GRAMD1B: variants seen among roughly 807,000 people sequenced by gnomAD.
The protein encoded by GRAMD1B is protein Aster-B.
Under a neutral mutation model 99.7 loss-of-function variants are expected in GRAMD1B, and 37 were observed. That is an observed-to-expected ratio of 0.37 (90% CI 0.29 to 0.49). The LOEUF (loss-of-function observed/expected upper bound fraction) is 0.49. Ranked by LOEUF, GRAMD1B falls within the 20% of genes least tolerant of loss-of-function variation. The probability of loss-of-function intolerance (pLI) is 0.98; values close to 1 mark genes in which losing one functional copy is unlikely to be tolerated. For synonymous variants in GRAMD1B, 427 were observed against 387.6 expected (o/e 1.10, Z -1.19); for missense variants, 888 against 1,009.2 (o/e 0.88, Z 1.63).
chr11:123,548,291 AATATATATATAT>A (rs139996126), intron 2 of GRAMD1B, among the ~76,000 whole-genome samples: 1,557 of 75,156 alleles, frequency 0.021, 26 homozygotes, highest in Admixed American at 0.029. Context: ...GCTGTGCCAA[AATATATATATAT>A]ATATATATAT....
intron 4 of GRAMD1B, among the ~76,000 whole-genome samples, chr11:123,586,930 G>T (rs1467828069): frequency 6.6e-6 from 1 of 152,202 alleles, no homozygotes; most frequent in Non-Finnish European, 1.5e-5. Flanking sequence ...ATAGGTAAAG[G>T]CATTGTAACG....
chr11:123,380,455 C>A (rs1946833788), intron 1 of GRAMD1B, among the ~76,000 whole-genome samples: 1 of 152,116 alleles, frequency 6.6e-6, no homozygotes, highest in South Asian at 2.1e-4. Context: ...GCAAGTGACC[C>A]AAAAGGTTGC....
At chr11:123,358,939 G>A (rs1946046024) in intron 1 of GRAMD1B, 1 of 152,314 alleles carries the variant, frequency 6.6e-6, no homozygotes. Flanking sequence ...AATTTTCTTA[G>A]TGAAACATCA....
At chr11:123,577,114 T>C (rs1040834734) in intron 2 of GRAMD1B, among the ~76,000 whole-genome samples, 1 of 152,208 alleles carries the variant, frequency 6.6e-6, no homozygotes, top group African/African-American at 2.4e-5. Context: ...GACGGATGCA[T>C]GTCTAGATGT....
chr11:123,555,878 C>T (rs1186725057), intron 2 of GRAMD1B, among the ~76,000 whole-genome samples: 4 of 151,810 alleles, frequency 2.6e-5, no homozygotes, highest in Non-Finnish European at 5.9e-5. Flanking sequence ...GGATTATAGG[C>T]GCCCACCACC....
intron 1 of GRAMD1B, among the ~76,000 whole-genome samples, chr11:123,416,891 T>C (rs565177322): frequency 1.3e-5 from 2 of 152,342 alleles, no homozygotes; most frequent in Non-Finnish European, 2.9e-5. Flanking sequence ...ACTATTATTA[T>C]TAATCTGATT....
chr11:123,547,741 A>G (rs1945159656), intron 2 of GRAMD1B, among the ~76,000 whole-genome samples: 1 of 151,210 alleles, frequency 6.6e-6, no homozygotes, highest in South Asian at 2.1e-4. Flanking sequence ...GTCTTTATTT[A>G]TCTTTGAACA....
chr11:123,437,412 A>T (rs1439409731), intron 1 of GRAMD1B, among the ~76,000 whole-genome samples: 1 of 152,200 alleles, frequency 6.6e-6, no homozygotes, highest in African/African-American at 2.4e-5. Flanking sequence ...TGGAGGGGGA[A>T]GGGAAAGCTG....
chr11:123,573,512 A>G (rs1183017762), intron 2 of GRAMD1B, among the ~76,000 whole-genome samples: 3 of 152,134 alleles, frequency 2.0e-5, no homozygotes, highest in African/African-American at 7.2e-5. Flanking sequence ...ACACAATTGA[A>G]TGCCTGCTTC....
chr11:123,458,664 G>T (rs910904196), intron 1 of GRAMD1B: 1 of 148,492 alleles, frequency 6.7e-6, no homozygotes, highest in Non-Finnish European at 1.5e-5. Context: ...CAGTATCCTA[G>T]ATAAGGAAAC....
At chr11:123,413,463 A>G (rs761581804) in intron 1 of GRAMD1B, among the ~76,000 whole-genome samples, 10 of 152,064 alleles carry the variant, frequency 6.6e-5, no homozygotes, top group Non-Finnish European at 1.2e-4. Context: ...ATTATGGGGT[A>G]AGGAGGCATT....
At chr11:123,581,476 T>C (rs7926416) in intron 3 of GRAMD1B, among the ~76,000 whole-genome samples, 366 of 152,252 alleles carry the variant, frequency 2.4e-3, no homozygotes, top group African/African-American at 8.6e-3. Flanking sequence ...TGGGACTCAT[T>C]TCCGGGAATG....
intron 2 of GRAMD1B, among the ~76,000 whole-genome samples, chr11:123,495,087 T>G (rs1939076310): frequency 6.6e-6 from 1 of 150,476 alleles, no homozygotes. Flanking sequence ...TAAAATTGTT[T>G]GAGCACATAC....
At position 123,430,680 on chromosome 11, in the gene GRAMD1B, G is replaced by A; in HGVS notation, c.-113G>A. On this transcript the variant is annotated 5_prime_UTR_variant, in exon 1 of 20. Transcript: ENST00000635736. ...CTCCGGGAAAGGAACTTGTTCCTTCGGCCCCAGGATTGGGGAGTGTGCCGC... is the reference window on the plus strand; with the variant it reads ...CTCCGGGAAAGGAACTTGTTCCTTCAGCCCCAGGATTGGGGAGTGTGCCGC... 1 of 537,988 alleles carries A rather than the reference G, an allele frequency of 1.9e-6. No individual in the cohort carries two copies. The highest frequency in any genetic ancestry group is 3.7e-5 in the Admixed American group (1 of 26,882). 33.3% of individuals were successfully genotyped at this position (537,988 alleles called of 1,614,324 possible).
chr11:123,425,721 G>C (rs992011407), upstream of GRAMD1B, among the ~76,000 whole-genome samples: 2 of 152,308 alleles, frequency 1.3e-5, no homozygotes, highest in Middle Eastern at 3.4e-3. Context: ...CTTGGAAGGA[G>C]AAGCTGGATG....
chr11:123,620,229 T>C (rs1004784848), intron 19 of GRAMD1B, among the ~76,000 whole-genome samples: 6 of 152,128 alleles, frequency 3.9e-5, no homozygotes, highest in Non-Finnish European at 7.3e-5. Context: ...ATCCCAGCAC[T>C]TTGAGAGGCT....
At chr11:123,524,364 A>G (rs189125779) in intron 2 of GRAMD1B, among the ~76,000 whole-genome samples, 7 of 75,774 alleles carry the variant, frequency 9.2e-5, no homozygotes, top group African/African-American at 2.9e-4. Context: ...TGTTTGAGAC[A>G]GAGTCTCACT....
At chr11:123,467,394 CTTTTTTTTTTT>C (rs11447711) in intron 1 of GRAMD1B, among the ~76,000 whole-genome samples, 78 of 103,344 alleles carry the variant, frequency 7.5e-4, no homozygotes, top group African/African-American at 2.7e-3. Context: ...TTTTCAACAC[CTTTTTTTTTTT>C]TTTTTTTTTT....
In GRAMD1B at chr11:123,610,591, A is replaced by G. The variant is rs1469851649; in HGVS notation, c.1919+253A>G. 6.6e-6 allele frequency among the ~76,000 whole-genome samples: 1 copy of G among 152,244 alleles called. No individual in the cohort carries two copies. The highest frequency in any genetic ancestry group is 2.4e-5 in the African/African-American group (1 of 41,462). ...ATTGGTTGTCTGTGGCTTATACAGT[A>G]TAGTGTAGGCGCTTTACCTACATTC... On this transcript the variant is annotated intron_variant, in intron 14 of 19. Transcript: ENST00000635736. The surrounding 1 kb of genome is among the most constrained non-coding windows in gnomAD (Gnocchi z 4.1).
Sources: gnomAD v4.1 joint callset for allele counts (sites outside exome capture counted in the v4.1 genomes callset) on GRCh38, gnomAD v4.1.1 for gene constraint, Gnocchi (gnomAD v3.1) non-coding constraint, MANE v1.5 for transcripts, NCBI Gene and HGNC (gene_info 2026-07-23, HGNC 2026-07-21) for gene names.